The following GRIN3A variants were observed in gnomAD, a reference collection of about 807,000 sequenced individuals.
GRIN3A encodes glutamate receptor ionotropic, NMDA 3A.
A neutral mutation model predicts 92.4 loss-of-function variants in GRIN3A; 47 were observed. The ratio of observed to expected loss-of-function variants is 0.51; its 90% CI spans 0.40 to 0.65. The LOEUF (loss-of-function observed/expected upper bound fraction) is 0.65, where lower values mean the gene tolerates loss of function less well. Ranked by LOEUF, GRIN3A falls within the 30% of genes least tolerant of loss-of-function variation. The probability of loss-of-function intolerance (pLI) is 0.00; values close to 1 mark genes in which losing one functional copy is unlikely to be tolerated. For synonymous variants in GRIN3A, 527 were observed against 540.6 expected, an observed-to-expected ratio of 0.97 and a Z score of 0.35; for missense variants, 1,324 against 1,393.1, an observed-to-expected ratio of 0.95 and a Z score of 0.79.
At chr9:101,654,331 A>G (rs1401414876) in intron 3 of GRIN3A, among the ~76,000 whole-genome samples, 3 of 151,304 alleles carry the variant, frequency 2.0e-5, no homozygotes, top group Admixed American at 6.6e-5. Context: ...CATAAGTACT[A>G]TATTATACAT....
intron 3 of GRIN3A, among the ~76,000 whole-genome samples, chr9:101,629,765 G>A (rs545092925): frequency 1.1e-4 from 16 of 152,262 alleles, no homozygotes; most frequent in African/African-American, 3.6e-4. Flanking sequence ...TAATAGCTTC[G>A]TGAAGAGGGC....
intron 1 of GRIN3A, among the ~76,000 whole-genome samples, chr9:101,689,647 G>A (rs1805941327): frequency 6.6e-6 from 1 of 151,970 alleles, no homozygotes; most frequent in African/African-American, 2.4e-5. Flanking sequence ...AGATATTATT[G>A]ATTTAGCAGC....
intron 3 of GRIN3A, among the ~76,000 whole-genome samples, chr9:101,640,217 G>A (rs547443169): frequency 3.5e-4 from 53 of 152,248 alleles, no homozygotes; most frequent in African/African-American, 1.2e-3. Context: ...CCCAGTTTAT[G>A]ACTAATCTAG....
chr9:101,608,392 G>A (rs745546049), intron 6 of GRIN3A, among the ~76,000 whole-genome samples: 6 of 152,056 alleles, frequency 3.9e-5, no homozygotes, highest in East Asian at 1.9e-4. Context: ...CCCAACTGCC[G>A]TTCCCCTGAA....
chr9:101,584,211 C>T (rs1827922566), intron 6 of GRIN3A, among the ~76,000 whole-genome samples: 2 of 152,140 alleles, frequency 1.3e-5, no homozygotes, highest in Non-Finnish European at 1.5e-5. Flanking sequence ...TGGTCCTTCA[C>T]AAACTTACTC....
chr9:101,662,287 G>T (rs1451597027), intron 3 of GRIN3A, among the ~76,000 whole-genome samples: 2 of 151,728 alleles, frequency 1.3e-5, no homozygotes, highest in African/African-American at 2.4e-5. Context: ...GACAATGGGT[G>T]GGGGGAATGA....
intron 6 of GRIN3A, among the ~76,000 whole-genome samples, chr9:101,588,982 T>G (rs1564119790): frequency 1.3e-5 from 2 of 151,330 alleles, no homozygotes; most frequent in Non-Finnish European, 3.0e-5. Context: ...TTTTTTTTTC[T>G]TTTTTTGAGA....
intron 5 of GRIN3A, among the ~76,000 whole-genome samples, chr9:101,620,192 G>A (rs1252275071): frequency 6.6e-6 from 1 of 152,176 alleles, no homozygotes; most frequent in Non-Finnish European, 1.5e-5. Flanking sequence ...TAGGTCTGGA[G>A]GCTGGGAAGT....
intron 1 of GRIN3A, among the ~76,000 whole-genome samples, chr9:101,692,590 A>T (rs1829633376): frequency 6.6e-6 from 1 of 152,200 alleles, no homozygotes; most frequent in Admixed American, 6.5e-5. Flanking sequence ...GTCAAAGCCC[A>T]AAAAGCTCAA....
At chr9:101,666,329 A>T (rs990878723) in intron 3 of GRIN3A, among the ~76,000 whole-genome samples, 1 of 151,968 alleles carries the variant, frequency 6.6e-6, no homozygotes, top group African/African-American at 2.4e-5. Context: ...TTCAAAACAG[A>T]TTTAAAAATG....
At chr9:101,606,205 C>T (rs1828279295) in intron 6 of GRIN3A, among the ~76,000 whole-genome samples, 1 of 152,220 alleles carries the variant, frequency 6.6e-6, no homozygotes, top group Non-Finnish European at 1.5e-5. Flanking sequence ...CCCCATCCCA[C>T]ATTCATCTGC....
At chr9:101,581,872 G>A (rs1307717148) in intron 6 of GRIN3A, among the ~76,000 whole-genome samples, 3 of 152,302 alleles carry the variant, frequency 2.0e-5, no homozygotes, top group South Asian at 4.1e-4. Flanking sequence ...TTGAATATGT[G>A]TAAGGCACAA....
At chr9:101,676,888 A>C (rs918077627) in intron 2 of GRIN3A, among the ~76,000 whole-genome samples, 1 of 151,732 alleles carries the variant, frequency 6.6e-6, no homozygotes, top group Non-Finnish European at 1.5e-5. Flanking sequence ...TGAGAAAGAG[A>C]AACTTGACAT....
intron 6 of GRIN3A, chr9:101,594,435 G>A (rs1322745186): frequency 1.6e-5 from 26 of 1,610,228 alleles, no homozygotes; most frequent in Non-Finnish European, 2.1e-5. Context: ...AGCTTCTTGT[G>A]GATCTCCAGG....
Position 101,737,921 on chromosome 9 carries a change from G to A in GRIN3A, c.59C>T (p.Pro20Leu), listed in dbSNP as rs1033175539. Residue 20 changes from proline (P) to leucine (L), a missense_variant, in exon 1 of 9, where the codon CCC (proline) becomes CTC (leucine). By Grantham distance (98) the Pro-to-Leu change is moderately conservative (BLOSUM62 -3). Transcript: ENST00000361820. ...CACCCCGGCCAGCACCAGTGCGCAG[G>A]GCGGCGGCAACAGCAGACAGACCCT... ...LSRVCLLLPPPCALVLAGVPS... is the reference protein window; with the variant it reads ...LSRVCLLLPPLCALVLAGVPS... The A allele has an allele frequency of 6.5e-7, 1 of 1,536,840 alleles. No individual in the cohort carries two copies. Among genetic ancestry groups the A allele is most frequent in the Admixed American group, 1.9e-5 (1 of 51,506 alleles).
Position 101,670,108 on chromosome 9 carries a change from C to T in GRIN3A, c.2304G>A (p.Met768Ile), listed in dbSNP as rs754226372. 3.7e-5 allele frequency: 60 copies of T among 1,613,694 alleles called. 1 individual carries two copies. Among genetic ancestry groups the T allele is most frequent in the Non-Finnish European group, 3.6e-5 (42 of 1,179,858 alleles). Residue 768 changes from methionine (M) to isoleucine (I), a missense_variant, in exon 3 of 9, where the codon ATG (methionine) becomes ATA (isoleucine). By Grantham distance (10) the Met-to-Ile change is conservative. Coordinates refer to ENST00000361820, the MANE Select transcript of GRIN3A (RefSeq NM_133445.3). ...GCTCTTCATAGATCTTCTCACCTAC[C>T]ATGACAGCAGCCAAGTTTGCCGTGT... The part of the protein sequence containing the change: ...STYTANLAAV[M>I]VGEKIYEELS...
At chr9:101,574,222 A>G (rs905531292) in intron 8 of GRIN3A, among the ~76,000 whole-genome samples, 2 of 152,180 alleles carry the variant, frequency 1.3e-5, no homozygotes, top group African/African-American at 4.8e-5. Context: ...ACCTACTACC[A>G]TCATGGAGAG....
At chr9:101,684,847 G>A (rs1167344563) in intron 2 of GRIN3A, among the ~76,000 whole-genome samples, 2 of 152,290 alleles carry the variant, frequency 1.3e-5, no homozygotes, top group East Asian at 3.9e-4. Flanking sequence ...CCTGGCTGCT[G>A]TTTATGACTG....
chr9:101,631,931 A>G (rs975870086), intron 3 of GRIN3A, among the ~76,000 whole-genome samples: 4 of 152,074 alleles, frequency 2.6e-5, no homozygotes, highest in Admixed American at 1.3e-4. Context: ...TTCAGATCTG[A>G]TCATGTCCCT....
Sources: allele counts gnomAD v4.1 joint callset (sites outside exome capture counted in the v4.1 genomes callset), GRCh38; gene constraint gnomAD v4.1.1; transcripts MANE v1.5; gene names NCBI Gene and HGNC (gene_info 2026-07-23, HGNC 2026-07-21).